Variants in OSBPL10 observed in about 807,000 individuals in gnomAD.
The protein encoded by OSBPL10 is oxysterol binding protein like 10.
In OSBPL10, 49 loss-of-function variants were observed where a neutral mutation model predicts 81.7. That is an observed-to-expected ratio of 0.60 (90% CI 0.48 to 0.76). The LOEUF is 0.76. OSBPL10 is among the 30% of genes least tolerant of loss of function. The pLI, the probability that OSBPL10 is intolerant of heterozygous loss-of-function variation, is 0.00. For missense variants in OSBPL10, 923 were observed against 987.8 expected, an observed-to-expected ratio of 0.93 and a Z score of 0.88; for synonymous variants, 419 against 383.6, an observed-to-expected ratio of 1.09 and a Z score of -1.08.
chr3:31,879,288 T>C, intron 2 of OSBPL10: 1 of 163,808 alleles, frequency 6.1e-6, no homozygotes, highest in Non-Finnish European at 1.3e-5. Flanking sequence ...CTAGGACCCT[T>C]AAAGGTCTTT....
chr3:31,748,210 A>T lies in OSBPL10; in HGVS notation c.730-90T>A, dbSNP rs571118123. 1.4e-5 allele frequency: 16 copies of T among 1,148,314 alleles called. No individual in the cohort carries two copies. In the South Asian group the frequency reaches 1.5e-4, roughly 11 times the overall value. The allele number at this position is 1,148,314 out of a possible 1,614,324, so 71.1% of individuals were successfully genotyped here. A position where few individuals can be genotyped will look rare whatever the true frequency, so the allele number is the denominator to read the frequency against. On this transcript the variant is annotated intron_variant, in intron 4 of 11. Coordinates refer to ENST00000396556, the MANE Select transcript of OSBPL10 (RefSeq NM_017784.5). The stretch of plus-strand genomic sequence containing the variant: ...GCAGATAAACCACAGAAGTGGGTAA[A>T]ACTAGGTGAGGGTCAACTCAGCGTG...
At chr3:31,667,775 C>G (rs935175025) in intron 10 of OSBPL10, among the ~76,000 whole-genome samples, 1 of 152,234 alleles carries the variant, frequency 6.6e-6, no homozygotes, top group Non-Finnish European at 1.5e-5. Flanking sequence ...ATGATCATGG[C>G]TGTGTTCCAA....
intron 3 of OSBPL10, among the ~76,000 whole-genome samples, chr3:31,836,244 T>G (rs1700355349): frequency 2.0e-5 from 3 of 152,292 alleles, no homozygotes; most frequent in South Asian, 4.1e-4. Context: ...TAATATATCT[T>G]AAACATTTTT....
chr3:31,707,516 C>A (rs190864126), intron 6 of OSBPL10: 1 of 152,282 alleles, frequency 6.6e-6, no homozygotes, highest in East Asian at 1.9e-4. Flanking sequence ...CAAGGAGGCA[C>A]TGGGGTGAAC....
chr3:32,025,905 C>T (rs972146169), intron 2 of OSBPL10, among the ~76,000 whole-genome samples: 5 of 152,220 alleles, frequency 3.3e-5, no homozygotes, highest in Non-Finnish European at 4.4e-5. Context: ...CACACACAGA[C>T]TCCATCAGCC....
intron 1 of OSBPL10, among the ~76,000 whole-genome samples, chr3:31,882,543 C>A (rs576992390): frequency 1.8e-4 from 27 of 152,368 alleles, no homozygotes; most frequent in Admixed American, 5.2e-4. Context: ...AAACTACCAT[C>A]AACAAATCCC....
At chr3:32,054,446 T>C (rs1699691093) in intron 1 of OSBPL10, among the ~76,000 whole-genome samples, 1 of 151,812 alleles carries the variant, frequency 6.6e-6, no homozygotes, top group Non-Finnish European at 1.5e-5. Flanking sequence ...TATGACTTAG[T>C]GTATGTTATT....
chr3:32,072,452 C>T lies in OSBPL10; in HGVS notation n.185+4944G>A, dbSNP rs187904248. Among the ~76,000 whole-genome samples, 162 of 152,344 alleles carry T rather than the reference C, an allele frequency of 1.1e-3. 1 individual carries two copies. The highest frequency in any genetic ancestry group is 6.8e-3 in the Middle Eastern group (2 of 294). On this transcript the variant is annotated intron_variant and non_coding_transcript_variant, in intron 1 of 3. Coordinates refer to the OSBPL10 transcript ENST00000479173. ...AAACTTCCATCTATCAATCTCTTCC[C>T]ACACAAAGCAAATTGTTCTTGGACC...
At chr3:31,830,002 C>T in intron 4 of OSBPL10, 38 bp downstream of exon 4, 1 of 1,569,588 alleles carries the variant, frequency 6.4e-7, no homozygotes, top group Admixed American at 1.8e-5. Context: ...CCCCCAACTC[C>T]CCGGGGCTGC....
At chr3:31,693,304 A>G (rs1695611402) in intron 7 of OSBPL10, among the ~76,000 whole-genome samples, 1 of 152,210 alleles carries the variant, frequency 6.6e-6, no homozygotes, top group African/African-American at 2.4e-5. Context: ...GCATATTGTG[A>G]TTGATGCTAG....
At chr3:31,870,441 C>T (rs1002609517) in intron 3 of OSBPL10, among the ~76,000 whole-genome samples, 7 of 152,358 alleles carry the variant, frequency 4.6e-5, no homozygotes, top group African/African-American at 1.4e-4. Flanking sequence ...CCCCGACGAG[C>T]GCCGCCCCCT....
chr3:32,011,214 A>G (rs904750285), intron 2 of OSBPL10, among the ~76,000 whole-genome samples: 39 of 152,200 alleles, frequency 2.6e-4, no homozygotes, highest in Non-Finnish European at 5.1e-4. Flanking sequence ...CTGACACCTC[A>G]CACAGCCGGG....
At chr3:31,725,621 A>G (rs1696783726) in intron 6 of OSBPL10, among the ~76,000 whole-genome samples, 1 of 152,232 alleles carries the variant, frequency 6.6e-6, no homozygotes, top group Admixed American at 6.5e-5. Flanking sequence ...ATGAGGAATG[A>G]ACCAATTCAT....
intron 3 of OSBPL10, among the ~76,000 whole-genome samples, chr3:31,841,049 C>T (rs991478587): frequency 6.6e-6 from 1 of 152,222 alleles, no homozygotes; most frequent in Non-Finnish European, 1.5e-5. Flanking sequence ...GCTGGGATTA[C>T]AGGCATGTGC....
At chr3:31,965,437 A>T (rs1297332111) in intron 1 of OSBPL10, among the ~76,000 whole-genome samples, 1 of 80,936 alleles carries the variant, frequency 1.2e-5, no homozygotes, top group East Asian at 3.4e-4. Context: ...ATAATATATA[A>T]TATATATTAT....
chr3:31,796,671 C>T (rs948802885), intron 4 of OSBPL10, among the ~76,000 whole-genome samples: 6 of 152,188 alleles, frequency 3.9e-5, no homozygotes, highest in African/African-American at 1.4e-4. Flanking sequence ...GCAGCATCCA[C>T]GGCCTCTACC....
intron 1 of OSBPL10, among the ~76,000 whole-genome samples, chr3:32,056,632 AC>A (rs1699714809): frequency 6.6e-6 from 1 of 152,212 alleles, no homozygotes. Context: ...AATACAAGAG[AC>A]CCTGATACTT....
chr3:31,754,779 T>G (rs1453018799), intron 4 of OSBPL10, among the ~76,000 whole-genome samples: 1 of 152,190 alleles, frequency 6.6e-6, no homozygotes, highest in African/African-American at 2.4e-5. Context: ...TGTTTTCCAG[T>G]GAAACTAATA....
intron 4 of OSBPL10, among the ~76,000 whole-genome samples, chr3:31,815,117 G>A (rs1485721518): frequency 4.0e-5 from 6 of 151,402 alleles, no homozygotes. Flanking sequence ...ATGCAGAGAG[G>A]CCCTGAGACC....
Sources: gnomAD v4.1 joint callset for allele counts (sites outside exome capture counted in the v4.1 genomes callset) on GRCh38, gnomAD v4.1.1 for gene constraint, MANE v1.5 for transcripts, NCBI Gene and HGNC (gene_info 2026-07-23, HGNC 2026-07-21) for gene names.